Variants in PDE6H observed in about 807,000 individuals in gnomAD.
PDE6H encodes phosphodiesterase 6H.
In PDE6H, 11 loss-of-function variants were observed where a neutral mutation model predicts 9.2. The ratio of observed to expected loss-of-function variants is 1.19; its 90% CI spans 0.75 to 1.97. The LOEUF (loss-of-function observed/expected upper bound fraction) is 1.97. PDE6H is among the 30% of genes most tolerant of loss of function. The pLI, the probability that PDE6H is intolerant of heterozygous loss-of-function variation, is 0.00. For missense variants in PDE6H, 98 were observed against 101.5 expected (o/e 0.97, Z 0.15); for synonymous variants, 36 against 33.6 (o/e 1.07, Z -0.25).
intron 2 of PDE6H, among the ~76,000 whole-genome samples, chr12:14,978,712 C>T (rs554237164): frequency 6.6e-6 from 1 of 152,210 alleles, no homozygotes; most frequent in South Asian, 2.1e-4. Flanking sequence ...TTATTTGTAT[C>T]TATTCTCCGA....
intron 1 of PDE6H, among the ~76,000 whole-genome samples, chr12:14,977,566 AT>A (rs1366493896): frequency 6.6e-6 from 1 of 152,212 alleles, no homozygotes; most frequent in Admixed American, 6.5e-5. Flanking sequence ...AATCTATTTT[AT>A]TTATTTATTT....
rs1001173494 is a variant in PDE6H at position 14,973,673 on chromosome 12, T to G, written c.-42+587T>G. 7.2e-5 allele frequency among the ~76,000 whole-genome samples: 11 copies of G among 152,162 alleles called. 1 individual carries two copies. Among genetic ancestry groups the G allele is most frequent in the Non-Finnish European group, 1.3e-4 (9 of 68,042 alleles). On this transcript the variant is annotated intron_variant, in intron 1 of 3. Transcript: ENST00000266395. Reference sequence around the variant, plus strand: ...TTGCTTTGCTTTTCAAATTATTGATTTTCTCTGCCTCAGCAGGACCCTGGG... The same window carrying G: ...TTGCTTTGCTTTTCAAATTATTGATGTTCTCTGCCTCAGCAGGACCCTGGG...
At chr12:14,976,135 T>C (rs1474332838) in intron 1 of PDE6H, among the ~76,000 whole-genome samples, 1 of 152,148 alleles carries the variant, frequency 6.6e-6, no homozygotes, top group Admixed American at 6.6e-5. Context: ...AATTTCTAAA[T>C]TAATTTATTA....
At position 14,981,715 on chromosome 12, in the gene PDE6H, G is replaced by A; in HGVS notation, c.*239G>A. On this transcript the variant is annotated 3_prime_UTR_variant, in exon 4 of 4. Coordinates refer to ENST00000266395, the MANE Select transcript of PDE6H (RefSeq NM_006205.3). Reference sequence around the variant, plus strand: ...ACCTTTTCCTACCAGCTAGTTAGAAGTCATCAATATTTCTCTACATTTTGT... The same window carrying A: ...ACCTTTTCCTACCAGCTAGTTAGAAATCATCAATATTTCTCTACATTTTGT... 1.7e-6 allele frequency: 1 copy of A among 590,150 alleles called. No homozygotes were observed. Among genetic ancestry groups the A allele is most frequent in the Non-Finnish European group, 3.0e-6 (1 of 330,980 alleles). The allele number at this position is 590,150 out of a possible 1,614,324, so 36.6% of individuals were successfully genotyped here. A position where few individuals can be genotyped will look rare whatever the true frequency, so the allele number is the denominator to read the frequency against.
At chr12:14,977,428 A>T (rs1864612529) in intron 1 of PDE6H, among the ~76,000 whole-genome samples, 1 of 152,266 alleles carries the variant, frequency 6.6e-6, no homozygotes, top group South Asian at 2.1e-4. Context: ...TAAAGCTTAA[A>T]GAAATTGCAG....
At chr12:14,976,470 G>T (rs1409898178) in intron 1 of PDE6H, among the ~76,000 whole-genome samples, 4 of 152,162 alleles carry the variant, frequency 2.6e-5, no homozygotes, top group Non-Finnish European at 5.9e-5. Context: ...ATGCAGTGTG[G>T]CCAGTAAAGA....
intron 1 of PDE6H, among the ~76,000 whole-genome samples, chr12:14,976,008 G>A (rs1415819328): frequency 6.6e-6 from 1 of 152,034 alleles, no homozygotes; most frequent in Admixed American, 6.5e-5. Context: ...TTTTAGTAGA[G>A]ATGGGGTTTC....
chr12:14,978,447 C>T (rs184317530), intron 2 of PDE6H, among the ~76,000 whole-genome samples: 131 of 152,350 alleles, frequency 8.6e-4, no homozygotes, highest in Non-Finnish European at 1.2e-3. Context: ...ACAACCTCTA[C>T]GTTAATCTGT....
chr12:14,973,921 T>C (rs913094064), intron 1 of PDE6H, among the ~76,000 whole-genome samples: 1 of 152,236 alleles, frequency 6.6e-6, no homozygotes, highest in Non-Finnish European at 1.5e-5. Flanking sequence ...AGCTGGGCTT[T>C]GCTGTATAAA....
At chr12:14,974,545 T>C (rs1388167858) in intron 1 of PDE6H, among the ~76,000 whole-genome samples, 1 of 152,180 alleles carries the variant, frequency 6.6e-6, no homozygotes, top group Non-Finnish European at 1.5e-5. Context: ...AGCCTAGAGG[T>C]GTAACTTCAA....
At position 14,979,214 on chromosome 12, in the gene PDE6H, GA is replaced by G. The variant is rs1446390611; in HGVS notation, c.172del (p.Thr58GlnfsTer5). 6.2e-7 allele frequency: 1 copy of G among 1,606,426 alleles called. No homozygotes were observed. ...GACATTCCAGGAATGGAGGGGCTAG[GA>G]ACAGGTAAGCCATCCACTGATTTAA... The part of the protein sequence containing the change: ...GDDIPGMEGL[G>X]TDITVICPWE... On this transcript the variant is annotated frameshift_variant, in exon 3 of 4. Transcript: ENST00000266395. LOFTEE classifies it high-confidence loss of function.
chr12:14,979,379 G>A (rs1276417661), intron 3 of PDE6H, among the ~76,000 whole-genome samples, 160 bp downstream of exon 3: 1 of 152,190 alleles, frequency 6.6e-6, no homozygotes, highest in Non-Finnish European at 1.5e-5. Flanking sequence ...CTCGAAATAA[G>A]TACATGTGTG....
chr12:14,979,102 A>G (rs1864641091), intron 2 of PDE6H, 77 bp from the exon 3 acceptor site: 2 of 929,140 alleles, frequency 2.2e-6, no homozygotes, highest in Non-Finnish European at 3.5e-6. Context: ...CCTTGAATCA[A>G]GAAACTCTCC....
intron 3 of PDE6H, among the ~76,000 whole-genome samples, chr12:14,981,098 T>C (rs564079550): frequency 6.6e-6 from 1 of 152,298 alleles, no homozygotes; most frequent in East Asian, 1.9e-4. Context: ...TCCTTAGTGG[T>C]TGTGGTTTGG....
chr12:14,978,596 T>C (rs1172311170), intron 2 of PDE6H, among the ~76,000 whole-genome samples: 1 of 152,256 alleles, frequency 6.6e-6, no homozygotes, highest in African/African-American at 2.4e-5. Flanking sequence ...CATATGCTAA[T>C]TTCTTTTTGA....
intron 1 of PDE6H, among the ~76,000 whole-genome samples, chr12:14,975,051 C>T (rs1485959939): frequency 6.6e-6 from 1 of 152,192 alleles, no homozygotes; most frequent in African/African-American, 2.4e-5. Context: ...TATCCTAAGT[C>T]ACGTAGCCAG....
At chr12:14,977,710 C>T (rs10846103) in intron 1 of PDE6H, among the ~76,000 whole-genome samples, 3,489 of 152,258 alleles carry the variant, frequency 0.023, 67 homozygotes, top group East Asian at 0.092. Flanking sequence ...ATCAATTGTC[C>T]GTTTACACAA....
chr12:14,981,632 CT>C lies in PDE6H; in HGVS notation c.*157del, dbSNP rs1864686505. 1.5e-6 allele frequency: 1 copy of C among 687,596 alleles called. No homozygotes were observed. Among genetic ancestry groups the C allele is most frequent in the Non-Finnish European group, 2.7e-6 (1 of 376,240 alleles). The allele number at this position is 687,596 out of a possible 1,614,324, so 42.6% of individuals were successfully genotyped here. Reference sequence around the variant, plus strand: ...TCAGTTACTACTAAGAGTTCTCTTACTGTCAGAATCTCTCTTGCAGTACAGC... The same window carrying C: ...TCAGTTACTACTAAGAGTTCTCTTACGTCAGAATCTCTCTTGCAGTACAGC... On this transcript the variant is annotated 3_prime_UTR_variant, in exon 4 of 4. Coordinates refer to ENST00000266395, the MANE Select transcript of PDE6H (RefSeq NM_006205.3).
chr12:14,975,843 C>T (rs1419981100), intron 1 of PDE6H, among the ~76,000 whole-genome samples: 5 of 134,214 alleles, frequency 3.7e-5, no homozygotes, highest in South Asian at 2.3e-4. Context: ...TTTTTGGAGA[C>T]GGGGTCTTGC....
Sources: allele counts gnomAD v4.1 joint callset (sites outside exome capture counted in the v4.1 genomes callset), GRCh38; gene constraint gnomAD v4.1.1; transcripts MANE v1.5; gene names NCBI Gene and HGNC (gene_info 2026-07-23, HGNC 2026-07-21).